Variants in MYG1 observed in about 807,000 individuals in gnomAD.
The protein encoded by MYG1 is UPF0160 protein MYG1, mitochondrial.
MYG1 carries 36 observed loss-of-function variants against 43.5 expected under a neutral mutation model. That is an observed-to-expected ratio of 0.83 (90% CI 0.63 to 1.09). MYG1 has a LOEUF of 1.09. Among genes scored for constraint, MYG1 ranks in the 50% least tolerant of loss-of-function variants. The probability of loss-of-function intolerance (pLI) is 0.00; values close to 1 mark genes in which losing one functional copy is unlikely to be tolerated. For missense variants in MYG1, 529 were observed against 495.1 expected, an observed-to-expected ratio of 1.07 and a Z score of -0.65; for synonymous variants, 220 against 202.8, an observed-to-expected ratio of 1.08 and a Z score of -0.72.
intron 2 of MYG1, among the ~76,000 whole-genome samples, chr12:53,300,540 CAACTA>C (rs375776306): frequency 8.0e-4 from 122 of 152,316 alleles, no homozygotes; most frequent in African/African-American, 2.7e-3. Flanking sequence ...TTCATCACCC[CAACTA>C]AATAAACCCA....
chr12:53,304,929 C>T (rs1163214263), intron 3 of MYG1, among the ~76,000 whole-genome samples: 2 of 141,982 alleles, frequency 1.4e-5, no homozygotes, highest in African/African-American at 5.3e-5. Flanking sequence ...AGTGCAGTGG[C>T]GGGATCTCGG....
intron 3 of MYG1, 59 bp from the exon 4 acceptor site, chr12:53,305,849 G>A (rs1565774407): frequency 2.0e-6 from 3 of 1,530,584 alleles, no homozygotes; most frequent in Non-Finnish European, 2.6e-6. Context: ...TTTGAATCAT[G>A]TAAGATTTCA....
chr12:53,302,882 G>C lies in MYG1; in HGVS notation c.330-152G>C, dbSNP rs140048278. 1,099 of 923,482 alleles carry C rather than the reference G, an allele frequency of 1.2e-3. 11 individuals are homozygous for C. In the African/African-American group the frequency reaches 0.016, roughly 13 times the overall value. The allele number at this position is 923,482 out of a possible 1,614,324, so 57.2% of individuals were successfully genotyped here. ...TTGTCGGCCTCCGGCAGATGAATCT[G>C]AAAGCAAGGACAGTGTCTTGGTTTT... On this transcript the variant is annotated intron_variant, in intron 2 of 6. Transcript: ENST00000267103.
At position 53,306,869 on chromosome 12, in the gene MYG1, C is replaced by T; in HGVS notation, c.947+8C>T. ...CCACTCATTCCAAAGCCGGTGAGGC[C>T]CTAGGGAACCACTCTGCAGACCTTC... On this transcript the variant is annotated splice_region_variant and intron_variant, in intron 6 of 6. Coordinates refer to ENST00000267103, the MANE Select transcript of MYG1 (RefSeq NM_021640.4). 5 of 1,611,324 alleles carry T rather than the reference C, an allele frequency of 3.1e-6. No homozygotes were observed. Among genetic ancestry groups the T allele is most frequent in the Non-Finnish European group, 4.2e-6 (5 of 1,178,416 alleles).
chr12:53,300,504 G>A (rs1245930228), intron 2 of MYG1, among the ~76,000 whole-genome samples: 2 of 152,048 alleles, frequency 1.3e-5, no homozygotes, highest in Non-Finnish European at 2.9e-5. Context: ...TCCTTCCTTA[G>A]CCAAGGCTTT....
intron 2 of MYG1, among the ~76,000 whole-genome samples, chr12:53,301,662 T>A (rs1944233553): frequency 6.6e-6 from 1 of 152,184 alleles, no homozygotes; most frequent in Non-Finnish European, 1.5e-5. Flanking sequence ...ACTGATCTCT[T>A]TAGCACTTGG....
chr12:53,299,884 G>A lies in MYG1; in HGVS notation c.147G>A (p.Thr49=). Residue 49 remains threonine (T), a synonymous_variant, in exon 1 of 7, where the codon ACG becomes ACA. Coordinates refer to ENST00000267103, the MANE Select transcript of MYG1 (RefSeq NM_021640.4). ...TCATGGCACCGCCCCGAATCGGGAC[G>A]CACAATGGCACCTTCCACTGCGACG... ...SKLMAPPRIG[T]HNGTFHCDEA... 6.2e-7 allele frequency: 1 copy of A among 1,614,194 alleles called. No homozygotes were observed. Among genetic ancestry groups the A allele is most frequent in the Non-Finnish European group, 8.5e-7 (1 of 1,180,026 alleles).
In MYG1 at chr12:53,307,044, C is replaced by T. The variant is rs1424870397; in HGVS notation, c.1026C>T (p.Phe342=). Residue 342 remains phenylalanine, a synonymous_variant, in exon 7 of 7, where the codon TTC becomes TTT. Coordinates refer to ENST00000267103, the MANE Select transcript of MYG1 (RefSeq NM_021640.4). ...TCAGTGGGATCCCTGGCTGCATCTTCGTCCATGCAAGCGGCTTCACTGGCG... is the reference window on the plus strand; with the variant it reads ...TCAGTGGGATCCCTGGCTGCATCTTTGTCCATGCAAGCGGCTTCACTGGCG... ...DQVSGIPGCI[F]VHASGFTGGH... is the part of the protein sequence containing the mutation. 5.6e-6 allele frequency: 9 copies of T among 1,614,236 alleles called. No individual in the cohort carries two copies. Among genetic ancestry groups the T allele is most frequent in the Admixed American group, 1.7e-5 (1 of 60,032 alleles).
At position 53,306,828 on chromosome 12, in the gene MYG1, G is replaced by A; in HGVS notation, c.914G>A (p.Cys305Tyr). 6.2e-7 allele frequency: 1 copy of A among 1,614,026 alleles called. No homozygotes were observed. The highest frequency in any genetic ancestry group is 1.3e-5 in the African/African-American group (1 of 75,062). ...CAGGCTGGACAGTGGCGAATACAGT[G>A]TGTGCCCAAGGAGCCCCACTCATTC... ...TDQAGQWRIQCVPKEPHSFQS... is the reference protein window; with the variant it reads ...TDQAGQWRIQYVPKEPHSFQS... Residue 305 changes from cysteine (C) to tyrosine (Y), a missense_variant, in exon 6 of 7, where the codon TGT becomes TAT. Transcript: ENST00000267103.
chr12:53,305,761 A>G (rs1323301537), intron 3 of MYG1, 147 bp from the exon 4 acceptor site: 1 of 1,013,560 alleles, frequency 9.9e-7, no homozygotes, highest in African/African-American at 1.6e-5. Context: ...GAGCTGCTGA[A>G]CTTGCCAATT....
chr12:53,306,566 A>G, intron 5 of MYG1, 114 bp from the exon 6 acceptor site: 1 of 1,241,150 alleles, frequency 8.1e-7, no homozygotes, highest in Non-Finnish European at 1.1e-6. Flanking sequence ...CTAGTCTCAA[A>G]TTCCTGGGCT....
chr12:53,304,431 G>A (rs1184310715), intron 3 of MYG1, among the ~76,000 whole-genome samples: 3 of 151,876 alleles, frequency 2.0e-5, no homozygotes, highest in East Asian at 1.9e-4. Context: ...GATTACAGGC[G>A]CCTGCCACCA....
intron 3 of MYG1, 160 bp from the exon 4 acceptor site, chr12:53,305,748 A>C (rs1304075610): frequency 1.8e-5 from 15 of 827,546 alleles, no homozygotes; most frequent in Middle Eastern, 3.5e-4. Flanking sequence ...TCTGAGCTTC[A>C]GCGAGCTGCT....
Position 53,307,047 on chromosome 12 carries a change from C to T in MYG1, c.1029C>T (p.Val343=), listed in dbSNP as rs538724342. 3 of 1,614,142 alleles carry T rather than the reference C, an allele frequency of 1.9e-6. No individual in the cohort carries two copies. The East Asian group carries it at 6.7e-5, about 36-fold the overall frequency. ...QVSGIPGCIF[V]HASGFTGGHH... is the part of the protein sequence containing the mutation. ...GTGGGATCCCTGGCTGCATCTTCGT[C>T]CATGCAAGCGGCTTCACTGGCGGTC... Residue 343 remains valine, a synonymous_variant, in exon 7 of 7, where the codon GTC becomes GTT. Coordinates refer to ENST00000267103, the MANE Select transcript of MYG1 (RefSeq NM_021640.4).
Position 53,305,932 on chromosome 12 carries a change from G to A in MYG1, c.514G>A (p.Val172Met), listed in dbSNP as rs775615604. ...GATGTATGAGAACTTTGTGGAGGAG[G>A]TGGATGCTGTGGACAATGGGATCTC... ...DKMYENFVEE[V>M]DAVDNGISQW... Residue 172 changes from valine to methionine, a missense_variant, in exon 4 of 7, where the codon GTG (valine) becomes ATG (methionine). Coordinates refer to ENST00000267103, the MANE Select transcript of MYG1 (RefSeq NM_021640.4). 6.2e-7 allele frequency: 1 copy of A among 1,610,488 alleles called. No individual in the cohort carries two copies. Among genetic ancestry groups the A allele is most frequent in the Admixed American group, 1.7e-5 (1 of 59,248 alleles).
Position 53,299,891 on chromosome 12 carries a change from G to T in MYG1, c.154G>T (p.Gly52Cys). 2 of 1,614,174 alleles carry T rather than the reference G, an allele frequency of 1.2e-6. No homozygotes were observed. Residue 52 changes from glycine to cysteine, a missense_variant, in exon 1 of 7, where the codon GGC becomes TGC. Gly to Cys is a radical substitution (Grantham distance 159, BLOSUM62 -3). Transcript: ENST00000267103. ...ACCGCCCCGAATCGGGACGCACAAT[G>T]GCACCTTCCACTGCGACGAGGCACT... Reference protein sequence around the residue: ...MAPPRIGTHNGTFHCDEALAC... With the variant: ...MAPPRIGTHNCTFHCDEALAC...
intron 2 of MYG1, among the ~76,000 whole-genome samples, chr12:53,302,675 A>G (rs1944240466): frequency 6.6e-6 from 1 of 152,108 alleles, no homozygotes; most frequent in African/African-American, 2.4e-5. Flanking sequence ...CTTGTCTCTC[A>G]GCCATCATTC....
rs1239028042 is a variant in MYG1 at position 53,306,808 on chromosome 12, T to C, written c.894T>C (p.Ala298=). The change falls in exon 6 of 7, where the codon GCT becomes GCC. Residue 298 remains alanine (A), a synonymous_variant. Transcript: ENST00000267103. ...TCTTTGTTATCTACACTGACCAGGC[T>C]GGACAGTGGCGAATACAGTGTGTGC... The part of the protein sequence containing the change: ...AIFFVIYTDQ[A]GQWRIQCVPK... 6.2e-7 allele frequency: 1 copy of C among 1,614,222 alleles called. No individual in the cohort carries two copies. The highest frequency in any genetic ancestry group is 8.5e-7 in the Non-Finnish European group (1 of 1,180,038).
intron 5 of MYG1, 148 bp downstream of exon 5, chr12:53,306,468 T>C (rs1345864165): frequency 1.6e-6 from 2 of 1,250,742 alleles, no homozygotes; most frequent in East Asian, 4.8e-5. Context: ...CTCAGCCTCC[T>C]GAGTAGCTGG....
Sources: gnomAD v4.1 joint callset for allele counts (sites outside exome capture counted in the v4.1 genomes callset) on GRCh38, gnomAD v4.1.1 for gene constraint, MANE v1.5 for transcripts, NCBI Gene and HGNC (gene_info 2026-07-23, HGNC 2026-07-21) for gene names.